CACNA1C: variants seen among roughly 807,000 people sequenced by gnomAD.
CACNA1C encodes the protein voltage-dependent L-type calcium channel subunit alpha-1C.
Under a neutral mutation model 229.0 loss-of-function variants are expected in CACNA1C, and 30 were observed. The observed-to-expected ratio is 0.13, with a 90% CI of 0.10 to 0.18. The LOEUF is 0.18. Among genes scored for constraint, CACNA1C ranks in the 10% least tolerant of loss-of-function variants. The probability of loss-of-function intolerance (pLI) is 1.00; values close to 1 mark genes in which losing one functional copy is unlikely to be tolerated. For synonymous variants in CACNA1C, 1,114 were observed against 1,132.5 expected (o/e 0.98, Z 0.33); for missense variants, 1,658 against 2,845.0 (o/e 0.58, Z 9.49).
rs1358693820 is a variant in CACNA1C at position 2,135,946 on chromosome 12, A to G, written c.477+15516A>G. On this transcript the variant is annotated intron_variant, in intron 3 of 46. Transcript: ENST00000399655. ...CAGTTTGATCTCAGACTGCTGTGCT[A>G]GCAATCAGCGAGACTCCGTGGGCGT... Among the ~76,000 whole-genome samples, 15 of 149,318 alleles carry G rather than the reference A, an allele frequency of 1.0e-4. 2 individuals carry two copies. The highest frequency in any genetic ancestry group is 2.0e-4 in the East Asian group (1 of 5,112).
Position 2,196,224 on chromosome 12 carries a change from T to C in CACNA1C, c.477+75794T>C, listed in dbSNP as rs138819348. On this transcript the variant is annotated intron_variant, in intron 3 of 46. Transcript: ENST00000399655. Reference sequence around the variant, plus strand: ...AAGGAGTCTGGGGTCCTTCTGTTGGTTTAGGAAGCTCCTCTTGTCTGTCTG... The same window carrying C: ...AAGGAGTCTGGGGTCCTTCTGTTGGCTTAGGAAGCTCCTCTTGTCTGTCTG... Among the ~76,000 whole-genome samples, 4 of 152,316 alleles carry C rather than the reference T, an allele frequency of 2.6e-5. 1 individual carries two copies. Among genetic ancestry groups the C allele is most frequent in the Non-Finnish European group, 5.9e-5 (4 of 68,032 alleles).
Position 2,504,549 on chromosome 12 carries a change from C to CCAAA in CACNA1C, c.1114-292_1114-291insAAAC. The CCAAA allele has an allele frequency of 6.7e-7, 1 of 1,494,088 alleles. No individual in the cohort carries two copies. The highest frequency in any genetic ancestry group is 9.3e-7 in the Non-Finnish European group (1 of 1,072,474). 92.6% of individuals were successfully genotyped at this position (1,494,088 alleles called of 1,614,324 possible). On this transcript the variant is annotated intron_variant, in intron 7 of 46. Coordinates refer to ENST00000399655, the MANE Select transcript of CACNA1C (RefSeq NM_000719.7). This position sits in a 1 kb window ranked among gnomAD's most constrained non-coding sequence, Gnocchi z 6.8. ...TCGGTGTGTTGAGCGGGTAAGCTGA[C>CCAAA]CGTTTCTATGTCCTCTCCACAACGC...
In CACNA1C at chr12:2,679,644, C is replaced by A; in HGVS notation, c.5292C>A (p.Asn1764Lys). Residue 1764 changes from asparagine to lysine, a missense_variant, in exon 42 of 47, where the codon AAC becomes AAA. This residue lies in a region of CACNA1C where 590 missense variants were observed against 700.8 expected (regional missense o/e 0.84). Transcript: ENST00000399655. This position sits in a 1 kb window ranked among gnomAD's most constrained non-coding sequence, Gnocchi z 5.5. The stretch of plus-strand genomic sequence containing the variant: ...GCAGCTACTCGTCCACCGGCTCCAA[C>A]GCCAACATCAACAACGCCAACAACA... The part of the protein sequence containing the change: ...TPSSYSSTGS[N>K]ANINNANNTA... 2 of 1,613,796 alleles carry A rather than the reference C, an allele frequency of 1.2e-6. No individual in the cohort carries two copies. Among genetic ancestry groups the A allele is most frequent in the South Asian group, 1.1e-5 (1 of 91,060 alleles).
In CACNA1C at chr12:2,585,061, C is replaced by T. The variant is rs1264290895; in HGVS notation, c.2340-315C>T. On this transcript the variant is annotated intron_variant, in intron 16 of 46. Transcript: ENST00000399655. This position sits in a 1 kb window ranked among gnomAD's most constrained non-coding sequence, Gnocchi z 4.1. ...GACGGGACAGTTCCAGGCCACACAG[C>T]TGCCGGGCACTGAGCAGAGCTCCTC... is the stretch of plus-strand genomic sequence containing the variant. 6.6e-6 allele frequency among the ~76,000 whole-genome samples: 1 copy of T among 152,192 alleles called. No homozygotes were observed. The highest frequency in any genetic ancestry group is 2.4e-5 in the African/African-American group (1 of 41,460).
intron 3 of CACNA1C, among the ~76,000 whole-genome samples, chr12:2,305,548 A>G (rs2094942217): frequency 1.3e-5 from 2 of 152,198 alleles, no homozygotes; most frequent in Non-Finnish European, 2.9e-5. Context: ...CACCCCTCAA[A>G]AAACAGGTTG....
At chr12:2,534,809 G>T (rs1366196856) in intron 9 of CACNA1C, among the ~76,000 whole-genome samples, 1 of 152,184 alleles carries the variant, frequency 6.6e-6, no homozygotes, top group Non-Finnish European at 1.5e-5. Context: ...TTCATATGTT[G>T]GAAGGTGGTG....
chr12:2,156,029 A>G (rs2095536563), intron 3 of CACNA1C, among the ~76,000 whole-genome samples: 2 of 152,216 alleles, frequency 1.3e-5, no homozygotes, highest in African/African-American at 2.4e-5. Context: ...CAAGAACAAG[A>G]GTGAATCTGA....
intron 3 of CACNA1C, among the ~76,000 whole-genome samples, chr12:2,151,953 G>T (rs768173921): frequency 5.3e-5 from 8 of 152,192 alleles, no homozygotes; most frequent in Non-Finnish European, 1.2e-4. Context: ...ACCAAGCGAG[G>T]GTGTGGCAGC....
chr12:2,242,937 G>A (rs1292572240), intron 3 of CACNA1C, among the ~76,000 whole-genome samples: 2 of 152,212 alleles, frequency 1.3e-5, no homozygotes, highest in African/African-American at 4.8e-5. Flanking sequence ...AGAACTGAGG[G>A]TCTGAGAGGT....
chr12:2,565,294 C>T (rs569040358), intron 11 of CACNA1C, among the ~76,000 whole-genome samples: 121 of 151,370 alleles, frequency 8.0e-4, no homozygotes, highest in African/African-American at 2.7e-3. Context: ...AGGTGAAACC[C>T]GTCTCTACTA....
At chr12:1,998,861 CCT>C (rs2041534098) in intron 1 of CACNA1C, among the ~76,000 whole-genome samples, 2 of 151,994 alleles carry the variant, frequency 1.3e-5, no homozygotes, top group African/African-American at 4.8e-5. Context: ...TATTTAAACC[CCT>C]GATATTTTAT....
intron 38 of CACNA1C, among the ~76,000 whole-genome samples, chr12:2,672,938 G>A (rs765085728): frequency 9.8e-5 from 15 of 152,306 alleles, no homozygotes; most frequent in South Asian, 2.1e-4. Context: ...CCCAGGAGTC[G>A]TCCCCTGCCT....
rs143435646 is a variant in CACNA1C at position 1,971,038 on chromosome 12, A to G, written c.-25A>G. ...ATTATTTAGCTTTAAAAATCAACCA[A>G]TTAATATACATCTGGAAATTCACAA... On this transcript the variant is annotated 5_prime_UTR_variant, in exon 1 of 47. Transcript: ENST00000682462. This position sits in a 1 kb window ranked among gnomAD's most constrained non-coding sequence, Gnocchi z 4.2. 2.8e-5 allele frequency: 35 copies of G among 1,272,652 alleles called. No individual in the cohort carries two copies. In the African/African-American group the frequency reaches 4.6e-4, roughly 17 times the overall value. 78.8% of individuals were successfully genotyped at this position (1,272,652 alleles called of 1,614,324 possible).
At chr12:2,255,468 C>T (rs974452098) in intron 3 of CACNA1C, among the ~76,000 whole-genome samples, 3 of 152,100 alleles carry the variant, frequency 2.0e-5, no homozygotes, top group African/African-American at 7.2e-5. Context: ...TCTGAACTGC[C>T]AGGAGGTGGT....
rs2095024504 is a variant in CACNA1C, at chr12:2,651,878, CTGTG to C, written c.4074+113_4074+116del. The C allele has an allele frequency of 2.8e-5, 24 of 857,086 alleles. No homozygotes were observed. In the South Asian group the frequency reaches 4.3e-4, roughly 15 times the overall value. The allele number at this position is 857,086 out of a possible 1,614,324, so 53.1% of individuals were successfully genotyped here. A position where few individuals can be genotyped will look rare whatever the true frequency, so the allele number is the denominator to read the frequency against. On this transcript the variant is annotated intron_variant, in intron 32 of 46. Transcript: ENST00000399655. The surrounding 1 kb of genome is among the most constrained non-coding windows in gnomAD (Gnocchi z 5.4). ...CCACTCTGGGGCCCTGCTCCTTCCT[CTGTG>C]TGGCAGAACTCGGCCGCTCTGCCTG...
chr12:2,406,767 G>A (rs2098742098), intron 3 of CACNA1C, among the ~76,000 whole-genome samples: 2 of 152,218 alleles, frequency 1.3e-5, no homozygotes, highest in Non-Finnish European at 2.9e-5. Context: ...TTATCTCAGT[G>A]CTAGTGTCAT....
chr12:2,514,267 T>C (rs1198030844), intron 9 of CACNA1C, among the ~76,000 whole-genome samples: 1 of 152,226 alleles, frequency 6.6e-6, no homozygotes, highest in Non-Finnish European at 1.5e-5. Context: ...GCAGAATCTC[T>C]GCTCCCTCAT....
chr12:2,452,831 G>A (rs1596680895), intron 4 of CACNA1C, among the ~76,000 whole-genome samples: 1 of 152,156 alleles, frequency 6.6e-6, no homozygotes, highest in African/African-American at 2.4e-5. Flanking sequence ...GAAATACTGG[G>A]AACAAAATCT....
chr12:2,222,613 C>A (rs2061758684), intron 3 of CACNA1C, among the ~76,000 whole-genome samples: 2 of 152,182 alleles, frequency 1.3e-5, no homozygotes. Flanking sequence ...TTGGATGGAT[C>A]ATTTATGGTA....
Sources: allele counts gnomAD v4.1 joint callset (sites outside exome capture counted in the v4.1 genomes callset), GRCh38; gene constraint gnomAD v4.1.1; regional missense constraint gnomAD v4.1.1; non-coding constraint Gnocchi (gnomAD v3.1); transcripts MANE v1.5; gene names NCBI Gene and HGNC (gene_info 2026-07-23, HGNC 2026-07-21).